FUT8: variants seen among roughly 807,000 people sequenced by gnomAD.
FUT8 encodes fucosyltransferase 8, also known as alpha-(1,6)-fucosyltransferase.
FUT8 carries 29 observed loss-of-function variants against 71.3 expected under a neutral mutation model. The ratio of observed to expected loss-of-function variants is 0.41; its 90% CI spans 0.30 to 0.55. The LOEUF (loss-of-function observed/expected upper bound fraction) is 0.55, where lower values mean the gene tolerates loss of function less well. Among genes scored for constraint, FUT8 ranks in the 20% least tolerant of loss-of-function variants. The probability of loss-of-function intolerance (pLI) is 0.34; values close to 1 mark genes in which losing one functional copy is unlikely to be tolerated. For synonymous variants in FUT8, 254 were observed against 239.3 expected (o/e 1.06, Z -0.57); for missense variants, 544 against 702.1 (o/e 0.77, Z 2.55).
chr14:65,551,176 G>A (rs560148899), intron 2 of FUT8, among the ~76,000 whole-genome samples: 13 of 152,232 alleles, frequency 8.5e-5, no homozygotes, highest in Middle Eastern at 3.4e-3. Flanking sequence ...GCAGATTGTC[G>A]CATACTCATC....
rs1328851407 is a variant in FUT8 at position 65,467,511 on chromosome 14, C to T, written c.-228+11793C>T. ...TTTATTTTTGAGACAGAGTCTCACACTGTCGCCCGGGCTGGAGTGCAGTGG... is the reference window on the plus strand; with the variant it reads ...TTTATTTTTGAGACAGAGTCTCACATTGTCGCCCGGGCTGGAGTGCAGTGG... On this transcript the variant is annotated intron_variant, in intron 2 of 10. Coordinates refer to ENST00000673929, the MANE Select transcript of FUT8 (RefSeq NM_001371533.1). This position sits in a 1 kb window ranked among gnomAD's most constrained non-coding sequence, Gnocchi z 4.1. Among the ~76,000 whole-genome samples the T allele has an allele frequency of 6.6e-6, 1 of 152,038 alleles. No individual in the cohort carries two copies. The highest frequency in any genetic ancestry group is 1.5e-5 in the Non-Finnish European group (1 of 68,026).
intron 10 of FUT8, among the ~76,000 whole-genome samples, chr14:65,736,372 G>A (rs775654139): frequency 2.7e-5 from 4 of 150,646 alleles, no homozygotes; most frequent in Admixed American, 6.6e-5. Context: ...GACTGTATGC[G>A]CTCACATTTT....
chr14:65,737,315 G>T (rs1342039369), intron 10 of FUT8, among the ~76,000 whole-genome samples: 1 of 152,016 alleles, frequency 6.6e-6, no homozygotes, highest in Non-Finnish European at 1.5e-5. Context: ...CTCATAAATT[G>T]AATAGCACAG....
chr14:65,737,918 A>C (rs182716298), intron 10 of FUT8, among the ~76,000 whole-genome samples: 1 of 152,272 alleles, frequency 6.6e-6, no homozygotes, highest in East Asian at 1.9e-4. Context: ...GGCAAAACCA[A>C]AAACTACGTT....
At chr14:65,455,794 T>G (rs2065886861) in intron 2 of FUT8, 76 bp downstream of exon 2, 1 of 395,614 alleles carries the variant, frequency 2.5e-6, no homozygotes, top group African/African-American at 2.1e-5. Flanking sequence ...AATTTTGTGG[T>G]TAAAGCTACA....
At chr14:65,615,351 C>T (rs539472535) in intron 3 of FUT8, among the ~76,000 whole-genome samples, 2 of 152,236 alleles carry the variant, frequency 1.3e-5, no homozygotes, top group African/African-American at 2.4e-5. Context: ...AAGTAATCCT[C>T]CTACCTGGGC....
chr14:65,522,932 A>G (rs1378319874), intron 2 of FUT8, among the ~76,000 whole-genome samples: 2 of 152,118 alleles, frequency 1.3e-5, no homozygotes, highest in Admixed American at 6.5e-5. Flanking sequence ...ATAGTATTCC[A>G]TGGTGTATAT....
At chr14:65,496,584 C>G (rs1447283993) in intron 2 of FUT8, among the ~76,000 whole-genome samples, 2 of 152,070 alleles carry the variant, frequency 1.3e-5, no homozygotes, top group Non-Finnish European at 2.9e-5. Flanking sequence ...CCTCCTTCAC[C>G]CACTCGCTCT....
intron 2 of FUT8, among the ~76,000 whole-genome samples, chr14:65,540,403 A>G (rs1163502704): frequency 3.3e-5 from 5 of 152,214 alleles, no homozygotes; most frequent in Non-Finnish European, 5.9e-5. Context: ...CTGGGAAGGC[A>G]TACCTTTTTA....
chr14:65,699,626 C>G (rs979095499), intron 7 of FUT8, among the ~76,000 whole-genome samples: 3 of 152,164 alleles, frequency 2.0e-5, no homozygotes, highest in Non-Finnish European at 4.4e-5. Flanking sequence ...CCCACAGCCA[C>G]ATAGAAATGG....
At chr14:65,362,156 C>A in the FUT8 span, among the ~76,000 whole-genome samples, 851 of 152,262 alleles carry the variant, frequency 5.6e-3, 28 homozygotes, top group East Asian at 0.086. Flanking sequence ...AGAGCAGATT[C>A]CCAGGCTTTG....
intron 2 of FUT8, among the ~76,000 whole-genome samples, chr14:65,466,311 T>C (rs1457259148): frequency 6.6e-6 from 1 of 152,244 alleles, no homozygotes; most frequent in African/African-American, 2.4e-5. Context: ...TAATGTCTAC[T>C]GTATTTATAA....
rs1259066640 is a variant in FUT8 at position 65,656,221 on chromosome 14, C to CA, written c.598-13012dup. Among the ~76,000 whole-genome samples, 1,346 of 144,734 alleles carry CA rather than the reference C, an allele frequency of 9.3e-3. 11 individuals carry two copies. The highest frequency in any genetic ancestry group is 0.026 in the African/African-American group (1,034 of 39,616). 95.0% of individuals were successfully genotyped at this position (144,734 alleles called of 152,430 possible). A position where few individuals can be genotyped will look rare whatever the true frequency, so the allele number is the denominator to read the frequency against. Reference sequence around the variant, plus strand: ...ATTTGAAAAAATCTAAAGACTCTTCCAAAAAAAAAACTACTAGAACTGATA... The same window carrying CA: ...ATTTGAAAAAATCTAAAGACTCTTCCAAAAAAAAAAACTACTAGAACTGATA... On this transcript the variant is annotated intron_variant, in intron 6 of 10. Transcript: ENST00000673929.
intron 7 of FUT8, among the ~76,000 whole-genome samples, chr14:65,696,232 C>T (rs1357452424): frequency 2.0e-5 from 3 of 152,172 alleles, no homozygotes; most frequent in South Asian, 2.1e-4. Flanking sequence ...AATTTTCCTT[C>T]TCTCTGAAGC....
At chr14:65,439,954 G>GTGTATGTATGTATATATATA in intron 1 of FUT8, among the ~76,000 whole-genome samples, 1 of 74,984 alleles carries the variant, frequency 1.3e-5, no homozygotes, top group African/African-American at 5.1e-5. Context: ...GTGTGTGTGT[G>GTGTATGTATGTATATATATA]TATATATATA....
intron 2 of FUT8, among the ~76,000 whole-genome samples, chr14:65,517,589 C>T (rs1006382228): frequency 6.6e-6 from 1 of 152,124 alleles, no homozygotes; most frequent in Non-Finnish European, 1.5e-5. Context: ...AGCATTTAAC[C>T]TTCAAGGATG....
In FUT8 at chr14:65,508,220, G is replaced by A. The variant is rs149631360; in HGVS notation, c.-228+52502G>A. Reference sequence around the variant, plus strand: ...GTAGCTGGGACTACAGGCACACACCGCTATGCCTGGCTAATTTTTTGTTTT... The same window carrying A: ...GTAGCTGGGACTACAGGCACACACCACTATGCCTGGCTAATTTTTTGTTTT... On this transcript the variant is annotated intron_variant, in intron 2 of 10. Transcript: ENST00000673929. Among the ~76,000 whole-genome samples the A allele has an allele frequency of 5.0e-3, 757 of 151,146 alleles. 8 individuals are homozygous for A. The highest frequency in any genetic ancestry group is 0.017 in the African/African-American group (718 of 41,226).
chr14:65,417,072 C>A (rs1049520264), intron 1 of FUT8, among the ~76,000 whole-genome samples: 1 of 151,886 alleles, frequency 6.6e-6, no homozygotes, highest in Non-Finnish European at 1.5e-5. Flanking sequence ...AGGCGTGAGT[C>A]ACTGTACCCG....
chr14:65,358,378 A>G, the FUT8 span, among the ~76,000 whole-genome samples: 1 of 152,340 alleles, frequency 6.6e-6, no homozygotes, highest in East Asian at 1.9e-4. Flanking sequence ...CTCAATATTT[A>G]AACACTTTTT....
Sources: allele counts gnomAD v4.1 joint callset (sites outside exome capture counted in the v4.1 genomes callset), GRCh38; gene constraint gnomAD v4.1.1; non-coding constraint Gnocchi (gnomAD v3.1); transcripts MANE v1.5; gene names NCBI Gene and HGNC (gene_info 2026-07-23, HGNC 2026-07-21).